The following LANCL2 variants were observed in gnomAD, a reference collection of about 807,000 sequenced individuals.
The protein encoded by LANCL2 is LanC like glutathione S-transferase 2, also known as lanC-like protein 2.
LANCL2 carries 33 observed loss-of-function variants against 56.9 expected under a neutral mutation model. The observed-to-expected ratio is 0.58, with a 90% CI of 0.44 to 0.78. The LOEUF is 0.78. LANCL2 is among the 30% of genes least tolerant of loss of function. The pLI is 0.00. For synonymous variants in LANCL2, 233 were observed against 228.2 expected, an observed-to-expected ratio of 1.02 and a Z score of -0.19; for missense variants, 562 against 580.2, an observed-to-expected ratio of 0.97 and a Z score of 0.32.
intron 4 of LANCL2, among the ~76,000 whole-genome samples, chr7:55,400,320 G>C (rs960733414): frequency 6.6e-6 from 1 of 152,106 alleles, no homozygotes; most frequent in Non-Finnish European, 1.5e-5. Context: ...GTTTTTACTG[G>C]AGCTAAACAG....
chr7:55,404,116 A>G (rs965578884), intron 5 of LANCL2, among the ~76,000 whole-genome samples: 4 of 152,220 alleles, frequency 2.6e-5, no homozygotes, highest in Non-Finnish European at 5.9e-5. Context: ...TCAGGCCAGT[A>G]GAGACCCCAT....
intron 1 of LANCL2, among the ~76,000 whole-genome samples, chr7:55,391,156 A>G (rs1344770126): frequency 6.6e-6 from 1 of 151,260 alleles, no homozygotes; most frequent in Non-Finnish European, 1.5e-5. Flanking sequence ...AGCTGGGACT[A>G]CAGGCGCCCG....
At chr7:55,400,142 A>G in intron 4 of LANCL2, 38 bp downstream of exon 4, 1 of 1,461,548 alleles carries the variant, frequency 6.8e-7, no homozygotes, top group Non-Finnish European at 9.2e-7. Flanking sequence ...CGTCTCTACC[A>G]TTCAAACCTA....
At chr7:55,390,944 T>C (rs1790181203) in intron 1 of LANCL2, among the ~76,000 whole-genome samples, 1 of 151,862 alleles carries the variant, frequency 6.6e-6, no homozygotes, top group Non-Finnish European at 1.5e-5. Flanking sequence ...TATATATATA[T>C]TTTTTAATCT....
At chr7:55,399,217 G>C (rs1486278449) in intron 3 of LANCL2, among the ~76,000 whole-genome samples, 4 of 151,110 alleles carry the variant, frequency 2.6e-5, no homozygotes, top group Non-Finnish European at 5.9e-5. Flanking sequence ...AGGCTGCGGT[G>C]AGCCATCATC....
Position 55,365,432 on chromosome 7 carries a change from C to T in LANCL2, c.-594C>T, listed in dbSNP as rs963503000. On this transcript the variant is annotated 5_prime_UTR_variant, in exon 1 of 9. Transcript: ENST00000254770. ...TTTCTTCTTAATATCAAACAAAGAA[C>T]TGCTGCTATTCCTTTGGGCTGGCGC... 7.9e-5 allele frequency: 12 copies of T among 152,176 alleles called. No individual in the cohort carries two copies. Among genetic ancestry groups the T allele is most frequent in the African/African-American group, 2.9e-4 (12 of 41,444 alleles). The allele number at this position is 152,176 out of a possible 1,614,324, so 9.4% of individuals were successfully genotyped here.
In LANCL2 at chr7:55,404,835, A is replaced by G. The variant is rs188997493; in HGVS notation, c.825+3515A>G. On this transcript the variant is annotated intron_variant, in intron 5 of 8. Coordinates refer to ENST00000254770, the MANE Select transcript of LANCL2 (RefSeq NM_018697.4). ...CGCCATGTTGGCCAGGTTGGTCTCG[A>G]ACTCCTGACCTCTGGTGATCCACCC... Among the ~76,000 whole-genome samples the G allele has an allele frequency of 1.3e-3, 204 of 152,168 alleles. 1 individual carries two copies. Among genetic ancestry groups the G allele is most frequent in the African/African-American group, 4.7e-3 (194 of 41,506 alleles).
chr7:55,395,299 T>C (rs142088453), intron 2 of LANCL2, among the ~76,000 whole-genome samples: 9 of 151,754 alleles, frequency 5.9e-5, no homozygotes, highest in Admixed American at 1.3e-4. Context: ...CACTACAAAG[T>C]GGAGAAAAAT....
intron 6 of LANCL2, among the ~76,000 whole-genome samples, chr7:55,412,461 T>C (rs1239550922): frequency 6.6e-6 from 1 of 152,270 alleles, no homozygotes; most frequent in Non-Finnish European, 1.5e-5. Flanking sequence ...ATTTTCTTGC[T>C]TGAATAAGCC....
chr7:55,383,959 T>C lies in LANCL2; in HGVS notation c.205-7834T>C, dbSNP rs114959696. On this transcript the variant is annotated intron_variant, in intron 1 of 8. Coordinates refer to ENST00000254770, the MANE Select transcript of LANCL2 (RefSeq NM_018697.4). ...ATAGAGTCCCTTAGGTCAGATCTCTTTCACTGTCATGATTTTTTCACTGTT... is the reference window on the plus strand; with the variant it reads ...ATAGAGTCCCTTAGGTCAGATCTCTCTCACTGTCATGATTTTTTCACTGTT... Among the ~76,000 whole-genome samples, 355 of 152,334 alleles carry C rather than the reference T, an allele frequency of 2.3e-3. 4 individuals are homozygous for C. Among genetic ancestry groups the C allele is most frequent in the African/African-American group, 8.2e-3 (339 of 41,568 alleles).
intron 5 of LANCL2, among the ~76,000 whole-genome samples, chr7:55,410,862 A>G (rs1790462563): frequency 6.6e-6 from 1 of 151,464 alleles, no homozygotes; most frequent in Non-Finnish European, 1.5e-5. Context: ...TAAGGATGTC[A>G]TGTGCTAATG....
intron 6 of LANCL2, among the ~76,000 whole-genome samples, chr7:55,420,584 A>G (rs1298665451): frequency 1.3e-5 from 2 of 152,368 alleles, no homozygotes; most frequent in South Asian, 2.1e-4. Flanking sequence ...TCAGATCTTC[A>G]ATTACAGAGG....
intron 6 of LANCL2, among the ~76,000 whole-genome samples, chr7:55,415,342 G>A (rs529912267): frequency 4.6e-5 from 7 of 152,320 alleles, no homozygotes; most frequent in South Asian, 4.1e-4. Flanking sequence ...GTGCCCACAC[G>A]CCTGCCCTGG....
At chr7:55,401,515 C>CTTTTTTTT (rs58005456) in intron 5 of LANCL2, among the ~76,000 whole-genome samples, 195 bp downstream of exon 5, 1 of 58,046 alleles carries the variant, frequency 1.7e-5, no homozygotes, top group Non-Finnish European at 3.0e-5. Flanking sequence ...GGTATGGAGT[C>CTTTTTTTT]TTTTTTTTTT....
At chr7:55,408,000 A>G (rs541986207) in intron 5 of LANCL2, among the ~76,000 whole-genome samples, 1 of 152,370 alleles carries the variant, frequency 6.6e-6, no homozygotes, top group South Asian at 2.1e-4. Flanking sequence ...CCCCAGCTTG[A>G]AAGATGGAGA....
chr7:55,425,160 TATC>T (rs776470266), intron 6 of LANCL2, 91 bp from the exon 7 acceptor site: 16 of 1,269,158 alleles, frequency 1.3e-5, no homozygotes, highest in Non-Finnish European at 1.8e-5. Context: ...GTTTTCCTAA[TATC>T]ATGCCATATT....
chr7:55,395,394 G>T (rs113967485), intron 2 of LANCL2, among the ~76,000 whole-genome samples: 139 of 152,180 alleles, frequency 9.1e-4, no homozygotes, highest in African/African-American at 3.3e-3. Context: ...AGCAGAGATG[G>T]CTAGACAGTA....
chr7:55,401,667 C>T (rs1224908284), intron 5 of LANCL2, among the ~76,000 whole-genome samples: 1 of 131,646 alleles, frequency 7.6e-6, no homozygotes, highest in Non-Finnish European at 1.6e-5. Flanking sequence ...CTCTGGTTTT[C>T]CTAGGCAGAG....
rs577604335 is a variant in LANCL2, at chr7:55,400,973, G to T, written c.679-201G>T. On this transcript the variant is annotated intron_variant, in intron 4 of 8. Coordinates refer to ENST00000254770, the MANE Select transcript of LANCL2 (RefSeq NM_018697.4). ...CAGTATCTTTTCCTACTCTGACATT[G>T]GCTCCTGATTTCTTTTTGCCTGCAT... is the stretch of plus-strand genomic sequence containing the variant. 2.2e-4 allele frequency among the ~76,000 whole-genome samples: 33 copies of T among 152,000 alleles called. 1 individual carries two copies. The South Asian group carries it at 6.0e-3, about 28-fold the overall frequency.
Sources: allele counts gnomAD v4.1 joint callset (sites outside exome capture counted in the v4.1 genomes callset), GRCh38; gene constraint gnomAD v4.1.1; transcripts MANE v1.5; gene names NCBI Gene and HGNC (gene_info 2026-07-23, HGNC 2026-07-21).